ABL1: variants seen among roughly 807,000 people sequenced by gnomAD.
ABL1 encodes tyrosine-protein kinase ABL1.
ABL1 carries 11 observed loss-of-function variants against 94.7 expected under a neutral mutation model. The observed-to-expected ratio is 0.12, with a 90% CI of 0.07 to 0.19. The LOEUF is 0.19. Among genes scored for constraint, ABL1 ranks in the 10% least tolerant of loss-of-function variants. The pLI, the probability that ABL1 is intolerant of heterozygous loss-of-function variation, is 1.00. For synonymous variants in ABL1, 656 were observed against 622.4 expected (o/e 1.05, Z -0.80); for missense variants, 1,082 against 1,489.4 (o/e 0.73, Z 4.50).
intron 1 of ABL1, among the ~76,000 whole-genome samples, chr9:130,823,620 C>G (rs749905892): frequency 5.3e-5 from 8 of 152,314 alleles, no homozygotes; most frequent in Middle Eastern, 3.4e-3. Context: ...TGGCCCCTCA[C>G]AGGCAGTGGA....
intron 1 of ABL1, among the ~76,000 whole-genome samples, chr9:130,791,961 A>G (rs1829913498): frequency 6.6e-6 from 1 of 152,174 alleles, no homozygotes; most frequent in South Asian, 2.1e-4. Flanking sequence ...AACATCCTCA[A>G]GAAGAAGGGA....
chr9:130,782,168 C>T (rs1403085759), intron 1 of ABL1, among the ~76,000 whole-genome samples: 1 of 152,030 alleles, frequency 6.6e-6, no homozygotes, highest in Non-Finnish European at 1.5e-5. Flanking sequence ...AAGCAGTTCT[C>T]CTGTCTCAGC....
chr9:130,878,594 G>A (rs373814954), intron 8 of ABL1, 27 bp downstream of exon 8: 3 of 1,609,722 alleles, frequency 1.9e-6, no homozygotes, highest in South Asian at 1.1e-5. Flanking sequence ...CTGTTCTCAC[G>A]AGTATATGTG....
At chr9:130,729,595 C>G (rs1588213241) in intron 1 of ABL1, among the ~76,000 whole-genome samples, 1 of 152,198 alleles carries the variant, frequency 6.6e-6, no homozygotes, top group East Asian at 1.9e-4. Context: ...GGGTCACAGC[C>G]TTGCCTTGCC....
Position 130,814,998 on chromosome 9 carries a change from A to G in ABL1, c.137-39066A>G, listed in dbSNP as rs1830263772. ...GCATGTGCAACAGAGGATCTAGAGT[A>G]GCCAAAATAAGCTCCTCTGTCTGAC... On this transcript the variant is annotated intron_variant, in intron 1 of 10. Transcript: ENST00000372348. This position sits in a 1 kb window ranked among gnomAD's most constrained non-coding sequence, Gnocchi z 4.4. 6.6e-6 allele frequency among the ~76,000 whole-genome samples: 1 copy of G among 152,208 alleles called. No individual in the cohort carries two copies. The highest frequency in any genetic ancestry group is 2.1e-4 in the South Asian group (1 of 4,838).
chr9:130,840,910 C>A (rs1204688023), intron 1 of ABL1, among the ~76,000 whole-genome samples: 1 of 152,154 alleles, frequency 6.6e-6, no homozygotes, highest in Non-Finnish European at 1.5e-5. Flanking sequence ...GTCTTGTTTT[C>A]TTACATAATA....
At chr9:130,803,364 T>C (rs978304858) in intron 1 of ABL1, among the ~76,000 whole-genome samples, 4 of 152,208 alleles carry the variant, frequency 2.6e-5, no homozygotes, top group Admixed American at 1.3e-4. Flanking sequence ...CATAGTTTCC[T>C]GGCTTCTCTT....
chr9:130,719,201 C>G (rs1007700339), intron 1 of ABL1, among the ~76,000 whole-genome samples: 2 of 151,970 alleles, frequency 1.3e-5, no homozygotes, highest in African/African-American at 4.8e-5. Context: ...TTACAACAAA[C>G]TTGGGTTATC....
intron 1 of ABL1, among the ~76,000 whole-genome samples, chr9:130,792,424 T>C (rs1263545479): frequency 6.6e-6 from 1 of 152,164 alleles, no homozygotes; most frequent in Non-Finnish European, 1.5e-5. Flanking sequence ...CTCATCTTGA[T>C]GCTTTTTTTC....
chr9:130,808,235 CTTCTTCTTCTTCTT>C (rs1830155824), intron 1 of ABL1, among the ~76,000 whole-genome samples: 1 of 140,670 alleles, frequency 7.1e-6, no homozygotes, highest in Non-Finnish European at 1.6e-5. Context: ...TCTTCTTCTT[CTTCTTCTTCTTCTT>C]TTTTTTTTTT....
At chr9:130,808,084 A>AG (rs1830152530) in intron 1 of ABL1, among the ~76,000 whole-genome samples, 2 of 113,490 alleles carry the variant, frequency 1.8e-5, no homozygotes, top group African/African-American at 7.8e-5. Context: ...TTAACTGATC[A>AG]AAAAAAAAAA....
In ABL1 at chr9:130,885,464, G is replaced by T. The variant is rs374389732; in HGVS notation, c.3174G>T (p.Glu1058Asp). 1 of 1,613,942 alleles carries T rather than the reference G, an allele frequency of 6.2e-7. No homozygotes were observed. Among genetic ancestry groups the T allele is most frequent in the African/African-American group, 1.3e-5 (1 of 74,950 alleles). The stretch of plus-strand genomic sequence containing the variant: ...TGGCCAGCCACAGCGCAGTGCTGGA[G>T]GCCGGCAAAAACCTCTACACGTTCT... ...EQMASHSAVL[E>D]AGKNLYTFCV... Residue 1058 changes from glutamate to aspartate, a missense_variant, in exon 11 of 11, where the codon GAG (glutamate) becomes GAT (aspartate). By Grantham distance (45) the Glu-to-Asp change is conservative. This residue lies in a region of ABL1 where 780 missense variants were observed against 835.8 expected (regional missense o/e 0.93). Coordinates refer to ENST00000318560, the MANE Select transcript of ABL1 (RefSeq NM_005157.6).
intron 1 of ABL1, among the ~76,000 whole-genome samples, chr9:130,722,971 G>A (rs1291286025): frequency 3.3e-5 from 5 of 152,220 alleles, no homozygotes; most frequent in Admixed American, 3.3e-4. Flanking sequence ...CTGATGTGTT[G>A]TGAAGTGTGT....
At chr9:130,811,569 CTG>C (rs1830207867) in intron 1 of ABL1, among the ~76,000 whole-genome samples, 1 of 151,942 alleles carries the variant, frequency 6.6e-6, no homozygotes, top group Non-Finnish European at 1.5e-5. Context: ...TGAAGGTAGA[CTG>C]TGATAAGTTA....
Position 130,714,249 on chromosome 9 carries a change from C to T in ABL1, c.-71C>T, listed in dbSNP as rs34519934. On this transcript the variant is annotated 5_prime_UTR_variant, in exon 1 of 11. Coordinates refer to the ABL1 transcript ENST00000372348. The stretch of plus-strand genomic sequence containing the variant: ...GTGAAATCCCACGTATATGCCATTT[C>T]CCTCTACGCTCGCTGACCGTTCTGG... The T allele has an allele frequency of 1.6e-3, 2,304 of 1,447,638 alleles. 44 individuals carry two copies. In the African/African-American group the frequency reaches 0.03, roughly 19 times the overall value. 89.7% of individuals were successfully genotyped at this position (1,447,638 alleles called of 1,614,324 possible).
intron 1 of ABL1, among the ~76,000 whole-genome samples, chr9:130,741,338 C>G (rs1831814810): frequency 6.6e-6 from 1 of 152,064 alleles, no homozygotes; most frequent in African/African-American, 2.4e-5. Context: ...AGTTACCATG[C>G]CAGAGTAACA....
chr9:130,767,210 C>T (rs1180862663), intron 1 of ABL1, among the ~76,000 whole-genome samples: 1 of 152,242 alleles, frequency 6.6e-6, no homozygotes, highest in East Asian at 1.9e-4. Context: ...TTCTTTGCAG[C>T]TCATGCCATC....
chr9:130,738,787 T>C lies in ABL1; in HGVS notation c.136+24332T>C, dbSNP rs530487138. ...CCTATCAATGACATTAAGTGAGAAC[T>C]TACTGTAGTTATTCCCTCCCCATTC... On this transcript the variant is annotated intron_variant, in intron 1 of 10. Coordinates refer to the ABL1 transcript ENST00000372348. Among the ~76,000 whole-genome samples the C allele has an allele frequency of 1.6e-4, 24 of 152,336 alleles. No homozygotes were observed. In the East Asian group the frequency reaches 4.4e-3, roughly 28 times the overall value.
chr9:130,876,733 C>CTTTTTTTTTTTTT lies in ABL1; in HGVS notation c.1271-1671_1271-1659dup, dbSNP rs755840936. On this transcript the variant is annotated intron_variant, in intron 7 of 10. Transcript: ENST00000318560. ...ACCATGCCCTGCCACAAGTTGGTTT[C>CTTTTTTTTTTTTT]TTTTTTTTTTTTTTTTTTTTTTTGA... Among the ~76,000 whole-genome samples, 10 of 83,198 alleles carry CTTTTTTTTTTTTT rather than the reference C, an allele frequency of 1.2e-4. 1 individual carries two copies. The highest frequency in any genetic ancestry group is 4.7e-4 in the African/African-American group (9 of 19,326). 54.6% of individuals were successfully genotyped at this position (83,198 alleles called of 152,430 possible). A position where few individuals can be genotyped will look rare whatever the true frequency, so the allele number is the denominator to read the frequency against.
Sources: allele counts gnomAD v4.1 joint callset (sites outside exome capture counted in the v4.1 genomes callset), GRCh38; gene constraint gnomAD v4.1.1; regional missense constraint gnomAD v4.1.1; non-coding constraint Gnocchi (gnomAD v3.1); transcripts MANE v1.5; gene names NCBI Gene and HGNC (gene_info 2026-07-23, HGNC 2026-07-21).